Variants in UBR1 observed in about 807,000 individuals in gnomAD.
UBR1 encodes the protein ubiquitin protein ligase E3 component n-recognin 1.
UBR1 carries 102 observed loss-of-function variants against 242.1 expected under a neutral mutation model. The ratio of observed to expected loss-of-function variants is 0.42; its 90% CI spans 0.36 to 0.50. UBR1 has a LOEUF of 0.50. Ranked by LOEUF, UBR1 falls within the 20% of genes least tolerant of loss-of-function variation. The probability of loss-of-function intolerance (pLI) is 0.01; values close to 1 mark genes in which losing one functional copy is unlikely to be tolerated. For synonymous variants in UBR1, 675 were observed against 684.8 expected, an observed-to-expected ratio of 0.99 and a Z score of 0.22; for missense variants, 1,772 against 2,101.8, an observed-to-expected ratio of 0.84 and a Z score of 3.07.
chr15:43,005,116 G>A (rs1252470072), intron 30 of UBR1, among the ~76,000 whole-genome samples: 4 of 151,772 alleles, frequency 2.6e-5, no homozygotes, highest in Non-Finnish European at 5.9e-5. Context: ...CGCCCCGTCT[G>A]AGAAGTGAGG....
At chr15:43,098,113 TTAG>T (rs2034182187) in intron 1 of UBR1, among the ~76,000 whole-genome samples, 1 of 152,206 alleles carries the variant, frequency 6.6e-6, no homozygotes, top group Non-Finnish European at 1.5e-5. Flanking sequence ...TGGCTTAATT[TTAG>T]TATTGTCCCA....
chr15:42,990,414 C>G (rs1470511887), intron 33 of UBR1, among the ~76,000 whole-genome samples: 4 of 152,140 alleles, frequency 2.6e-5, no homozygotes, highest in Admixed American at 6.5e-5. Context: ...CTTAAGAGAT[C>G]CTCCCACCTT....
intron 1 of UBR1, among the ~76,000 whole-genome samples, chr15:43,090,287 TGAC>T (rs931454291): frequency 6.6e-6 from 1 of 152,180 alleles, no homozygotes; most frequent in African/African-American, 2.4e-5. Flanking sequence ...AGAAAAATCA[TGAC>T]GACTATTTAA....
intron 35 of UBR1, among the ~76,000 whole-genome samples, chr15:42,986,983 C>T (rs1261819864): frequency 6.6e-6 from 1 of 152,366 alleles, no homozygotes; most frequent in African/African-American, 2.4e-5. Context: ...CGCCAGCCCA[C>T]TGACCCCCTG....
chr15:42,991,829 C>T (rs1350240876), intron 33 of UBR1, among the ~76,000 whole-genome samples: 4 of 152,200 alleles, frequency 2.6e-5, no homozygotes, highest in Non-Finnish European at 4.4e-5. Context: ...TAACTTCAAA[C>T]TCCTGGGCTC....
intron 14 of UBR1, among the ~76,000 whole-genome samples, chr15:43,045,016 A>G (rs1486930361): frequency 2.6e-5 from 4 of 152,232 alleles, no homozygotes; most frequent in Non-Finnish European, 5.9e-5. Context: ...TCAAAACACC[A>G]GTTAATGTTG....
chr15:42,995,616 C>T (rs562424247), intron 33 of UBR1, among the ~76,000 whole-genome samples: 2 of 151,778 alleles, frequency 1.3e-5, no homozygotes, highest in East Asian at 1.9e-4. Flanking sequence ...TGCAGTGAGC[C>T]GAGATCACGC....
chr15:43,023,049 G>C (rs1440494012), intron 25 of UBR1, among the ~76,000 whole-genome samples: 1 of 151,686 alleles, frequency 6.6e-6, no homozygotes, highest in Admixed American at 6.6e-5. Flanking sequence ...TGGAGGGGGC[G>C]GGGGGTATAG....
intron 34 of UBR1, 129 bp downstream of exon 34, chr15:42,989,901 G>C (rs773318253): frequency 1.0e-4 from 76 of 746,766 alleles, no homozygotes; most frequent in Middle Eastern, 3.8e-4. Flanking sequence ...AAACAAACGA[G>C]AAAGAAACAA....
Position 43,051,770 on chromosome 15 carries a change from G to A in UBR1, c.1439+2972C>T, listed in dbSNP as rs536539213. On this transcript the variant is annotated intron_variant, in intron 12 of 46. Transcript: ENST00000290650. ...TTGGAACAAACAAAAGGGTAAGGAA[G>A]GGAAGGAAAAGAAGTCTGTAGATAA... Among the ~76,000 whole-genome samples, 5 of 152,166 alleles carry A rather than the reference G, an allele frequency of 3.3e-5. No homozygotes were observed. In the South Asian group the frequency reaches 1.0e-3, roughly 32 times the overall value.
rs762731645 is a variant in UBR1 at position 42,984,946 on chromosome 15, AAAG to A, written c.3998-7_3998-5del. The A allele has an allele frequency of 4.1e-4, 653 of 1,599,824 alleles. No homozygotes were observed. The highest frequency in any genetic ancestry group is 5.2e-4 in the Non-Finnish European group (607 of 1,168,610). ...CCTTCATCTCCCAATAGATTTTCTC[AAAG>A]AATAAAAAAAAATAAAAATAATAAA... On this transcript the variant is annotated splice_polypyrimidine_tract_variant and splice_region_variant and intron_variant, in intron 35 of 46. Transcript: ENST00000290650.
At chr15:43,014,911 C>T (rs1227288058) in intron 29 of UBR1, among the ~76,000 whole-genome samples, 1 of 151,384 alleles carries the variant, frequency 6.6e-6, no homozygotes, top group Non-Finnish European at 1.5e-5. Context: ...GCCAGCCACC[C>T]CGTCCGGGAG....
rs779884167 is a variant in UBR1, at chr15:43,021,223, G to T, written c.2940+52C>A. 7 of 1,500,976 alleles carry T rather than the reference G, an allele frequency of 4.7e-6. No homozygotes were observed. The African/African-American group carries it at 8.3e-5, about 18-fold the overall frequency. 93.0% of individuals were successfully genotyped at this position (1,500,976 alleles called of 1,614,324 possible). A position where few individuals can be genotyped will look rare whatever the true frequency, so the allele number is the denominator to read the frequency against. Reference sequence around the variant, plus strand: ...TGGTTTAACACTGGAGGCAAGCAGAGAATTCTTAAATATTTAAACCAAGAT... The same window carrying T: ...TGGTTTAACACTGGAGGCAAGCAGATAATTCTTAAATATTTAAACCAAGAT... On this transcript the variant is annotated intron_variant, in intron 27 of 46. Transcript: ENST00000290650.
chr15:43,088,842 CA>C (rs57879485), intron 1 of UBR1, among the ~76,000 whole-genome samples: 35,657 of 141,266 alleles, frequency 0.25, 4,925 homozygotes, highest in African/African-American at 0.4. Context: ...TTGCAACTAA[CA>C]AAAAAAAAAA....
chr15:43,019,938 AG>A (rs1157131043), intron 27 of UBR1, among the ~76,000 whole-genome samples: 1 of 151,518 alleles, frequency 6.6e-6, no homozygotes, highest in East Asian at 1.9e-4. Context: ...TTTCCATTAA[AG>A]TAACATTCCT....
At chr15:43,086,711 T>C (rs1024423774) in intron 1 of UBR1, among the ~76,000 whole-genome samples, 8 of 152,236 alleles carry the variant, frequency 5.3e-5, no homozygotes, top group African/African-American at 7.2e-5. Flanking sequence ...TTCTGCTCTT[T>C]AAAAGAAACT....
chr15:43,025,294 CCAA>C lies in UBR1; in HGVS notation c.2584+84_2584+86del, dbSNP rs751899168. 643 of 1,376,584 alleles carry C rather than the reference CCAA, an allele frequency of 4.7e-4. 5 individuals are homozygous for C. The Middle Eastern group carries it at 5.5e-3, about 12-fold the overall frequency. The allele number at this position is 1,376,584 out of a possible 1,614,324, so 85.3% of individuals were successfully genotyped here. A position where few individuals can be genotyped will look rare whatever the true frequency, so the allele number is the denominator to read the frequency against. On this transcript the variant is annotated intron_variant, in intron 24 of 46. Coordinates refer to ENST00000290650, the MANE Select transcript of UBR1 (RefSeq NM_174916.3). Reference sequence around the variant, plus strand: ...TCCTTGAGTTGCCCACTCTCAAAAACCAACAACAACAAAAAACTATATGCTTTG... The same window carrying C: ...TCCTTGAGTTGCCCACTCTCAAAAACCAACAACAAAAAACTATATGCTTTG...
chr15:42,977,810 T>G, intron 38 of UBR1, 70 bp downstream of exon 38: 2 of 1,332,404 alleles, frequency 1.5e-6, no homozygotes, highest in Non-Finnish European at 2.2e-6. Flanking sequence ...ACAAAGGGCA[T>G]GAATTTAAAT....
chr15:43,102,204 T>G (rs1204344896), intron 1 of UBR1, among the ~76,000 whole-genome samples: 1 of 152,130 alleles, frequency 6.6e-6, no homozygotes, highest in African/African-American at 2.4e-5. Flanking sequence ...TATCAGCAAG[T>G]CTTTTTGCTT....
Sources: allele counts gnomAD v4.1 joint callset (sites outside exome capture counted in the v4.1 genomes callset), GRCh38; gene constraint gnomAD v4.1.1; transcripts MANE v1.5; gene names NCBI Gene and HGNC (gene_info 2026-07-23, HGNC 2026-07-21).